The following ARHGEF10 variants were observed in gnomAD, a reference collection of about 807,000 sequenced individuals.
ARHGEF10 encodes the protein Rho guanine nucleotide exchange factor (GEF) 10.
A neutral mutation model predicts 147.4 loss-of-function variants in ARHGEF10; 140 were observed. That is an observed-to-expected ratio of 0.95 (90% CI 0.83 to 1.09). ARHGEF10 has a LOEUF of 1.09. ARHGEF10 is among the 50% of genes least tolerant of loss of function. The pLI is 0.00. For synonymous variants in ARHGEF10, 902 were observed against 695.8 expected, an observed-to-expected ratio of 1.30 and a Z score of -4.67; for missense variants, 2,222 against 1,752.7, an observed-to-expected ratio of 1.27 and a Z score of -4.78.
chr8:1,912,052 TATTGACAG>T, intron 18 of ARHGEF10, among the ~76,000 whole-genome samples: 1 of 152,326 alleles, frequency 6.6e-6, no homozygotes, highest in South Asian at 2.1e-4. Context: ...TGTTACTTGA[TATTGACAG>T]AGTGTAGGCA....
chr8:1,884,164 C>T (rs530662849), intron 10 of ARHGEF10, among the ~76,000 whole-genome samples: 369 of 152,132 alleles, frequency 2.4e-3, no homozygotes, highest in South Asian at 7.3e-3. Flanking sequence ...GAGGCCGAGG[C>T]GGGCAGATCA....
intron 18 of ARHGEF10, among the ~76,000 whole-genome samples, chr8:1,914,316 C>T (rs35266351): frequency 2.6e-5 from 4 of 152,268 alleles, no homozygotes; most frequent in East Asian, 3.9e-4. Flanking sequence ...TGTGGAGGCA[C>T]GGAGGGGTCT....
At chr8:1,916,715 T>C (rs1464150498) in intron 18 of ARHGEF10, among the ~76,000 whole-genome samples, 1 of 152,226 alleles carries the variant, frequency 6.6e-6, no homozygotes, top group African/African-American at 2.4e-5. Context: ...GAAATTCAAT[T>C]TGTGCCTCTT....
In ARHGEF10 at chr8:1,957,633, A is replaced by G. The variant is rs1815688691; in HGVS notation, c.*370A>G. On this transcript the variant is annotated 3_prime_UTR_variant, in exon 29 of 29. Coordinates refer to ENST00000349830, the MANE Select transcript of ARHGEF10 (RefSeq NM_014629.4). ...ATATTAGAGAATTTGCAGACTAAGA[A>G]TTTATGAGAAAATATATGTATTCAG... 5 of 234,370 alleles carry G rather than the reference A, an allele frequency of 2.1e-5. No homozygotes were observed. In the South Asian group the frequency reaches 3.6e-4, roughly 17 times the overall value. 14.5% of individuals were successfully genotyped at this position (234,370 alleles called of 1,614,324 possible).
At chr8:1,859,823 C>T in intron 3 of ARHGEF10, 74 bp from the exon 4 acceptor site, 1 of 1,575,706 alleles carries the variant, frequency 6.3e-7, no homozygotes. Flanking sequence ...CTGCTTCCCA[C>T]TTGCGCTCCA....
intron 10 of ARHGEF10, 24 bp downstream of exon 10, chr8:1,882,773 C>A (rs375105779): frequency 3.7e-5 from 49 of 1,318,268 alleles, no homozygotes; most frequent in East Asian, 5.4e-5. Flanking sequence ...GGTCTTCTTG[C>A]GGGGAGGACA....
In ARHGEF10 at chr8:1,945,537, C is replaced by A. The variant is rs201688520; in HGVS notation, c.3279C>A (p.Ser1093=). Residue 1093 remains serine, a synonymous_variant, in exon 27 of 29, where the codon TCC becomes TCA. Transcript: ENST00000349830. ...EGMVISHMAV[S]GVGIWIAFTS... ...TGGTGATCTCCCACATGGCCGTGTC[C>A]GGCGTCGGGATCTGGATTGCCTTCA... The A allele has an allele frequency of 1.9e-6, 3 of 1,613,988 alleles. No homozygotes were observed. The highest frequency in any genetic ancestry group is 2.5e-6 in the Non-Finnish European group (3 of 1,179,938).
chr8:1,958,428 G>A lies in ARHGEF10; in HGVS notation c.*1165G>A, dbSNP rs1401184052. 1.3e-5 allele frequency: 2 copies of A among 152,262 alleles called. No individual in the cohort carries two copies. The highest frequency in any genetic ancestry group is 3.9e-4 in the East Asian group (2 of 5,180). The allele number at this position is 152,262 out of a possible 1,614,324, so 9.4% of individuals were successfully genotyped here. ...CGTGTATTTCAGTGTTTCACTTACT[G>A]GACGGATAACAAGAAAAAAATCCTA... On this transcript the variant is annotated 3_prime_UTR_variant, in exon 29 of 29. Coordinates refer to ENST00000349830, the MANE Select transcript of ARHGEF10 (RefSeq NM_014629.4).
At chr8:1,879,383 A>G (rs916284526) in intron 8 of ARHGEF10, among the ~76,000 whole-genome samples, 4 of 152,170 alleles carry the variant, frequency 2.6e-5, no homozygotes, top group Non-Finnish European at 5.9e-5. Flanking sequence ...AAATGATTTT[A>G]TGTATTTTTA....
chr8:1,899,525 A>G (rs549830666), intron 15 of ARHGEF10, among the ~76,000 whole-genome samples: 2 of 152,332 alleles, frequency 1.3e-5, no homozygotes, highest in South Asian at 4.1e-4. Flanking sequence ...AACCAAATCC[A>G]TGGCACATTC....
chr8:1,825,623 C>G (rs1222597687), intron 1 of ARHGEF10, among the ~76,000 whole-genome samples: 1 of 151,958 alleles, frequency 6.6e-6, no homozygotes, highest in East Asian at 2.0e-4. Context: ...CCCCACTCCC[C>G]TTCCATGGGC....
At chr8:1,927,456 A>T (rs1812773769) in intron 23 of ARHGEF10, 1 of 152,142 alleles carries the variant, frequency 6.6e-6, no homozygotes, top group Non-Finnish European at 1.5e-5. Flanking sequence ...CATCACCCTA[A>T]ACCAGCTAGT....
chr8:1,856,556 C>T (rs960716066), intron 2 of ARHGEF10, among the ~76,000 whole-genome samples: 5 of 152,232 alleles, frequency 3.3e-5, no homozygotes, highest in East Asian at 1.9e-4. Context: ...CCCCGGGAGG[C>T]GACTTCCCCA....
At chr8:1,829,834 G>A (rs1425454883) in intron 1 of ARHGEF10, among the ~76,000 whole-genome samples, 4 of 152,204 alleles carry the variant, frequency 2.6e-5, no homozygotes, top group African/African-American at 9.7e-5. Flanking sequence ...GAGGCCCGGG[G>A]AGGCTGCTGG....
upstream of ARHGEF10, among the ~76,000 whole-genome samples, chr8:1,823,406 C>T (rs564507910): frequency 4.6e-5 from 7 of 151,854 alleles, no homozygotes; most frequent in South Asian, 8.3e-4. Context: ...GCCCCCTCCT[C>T]GGCTGGGCGC....
intron 2 of ARHGEF10, among the ~76,000 whole-genome samples, chr8:1,844,651 T>G (rs1304627289): frequency 1.3e-5 from 2 of 152,042 alleles, no homozygotes; most frequent in Non-Finnish European, 2.9e-5. Context: ...CTCCACTGCT[T>G]CTCTTCTGGG....
intron 8 of ARHGEF10, 56 bp from the exon 9 acceptor site, chr8:1,879,992 C>T (rs1023990676): frequency 4.8e-6 from 6 of 1,245,940 alleles, no homozygotes; most frequent in African/African-American, 3.0e-5. Flanking sequence ...GTAAAATTGT[C>T]CCAAAGAACC....
Position 1,892,876 on chromosome 8 carries a change from C to T in ARHGEF10, c.1183-693C>T, listed in dbSNP as rs546486807. On this transcript the variant is annotated intron_variant, in intron 11 of 28. Transcript: ENST00000349830. ...ACTGTGTTTAGAATGAGGGAAATGC[C>T]GGGCGTCCTCATAGGCCTTTCACGG... Among the ~76,000 whole-genome samples, 9 of 152,140 alleles carry T rather than the reference C, an allele frequency of 5.9e-5. No homozygotes were observed. The South Asian group carries it at 1.0e-3, about 18-fold the overall frequency.
At chr8:1,890,268 G>A (rs1272748343) in intron 11 of ARHGEF10, among the ~76,000 whole-genome samples, 1 of 149,112 alleles carries the variant, frequency 6.7e-6, no homozygotes, top group African/African-American at 2.5e-5. Context: ...TGGATTGTGA[G>A]GAGACATTGA....
Sources: allele counts gnomAD v4.1 joint callset (sites outside exome capture counted in the v4.1 genomes callset), GRCh38; gene constraint gnomAD v4.1.1; transcripts MANE v1.5; gene names NCBI Gene and HGNC (gene_info 2026-07-23, HGNC 2026-07-21).